Variants in ENTREP1 observed in about 807,000 individuals in gnomAD.
ENTREP1 encodes Friedreich ataxia region gene X123.
the ENTREP1 span, among the ~76,000 whole-genome samples, chr9:69,372,641 G>A: frequency 2.6e-5 from 4 of 152,088 alleles, no homozygotes; most frequent in African/African-American, 4.8e-5. Context: ...ACATTGCAAC[G>A]AACATGGGCC....
At chr9:69,330,597 A>C in the ENTREP1 span, among the ~76,000 whole-genome samples, 1 of 152,228 alleles carries the variant, frequency 6.6e-6, no homozygotes, top group African/African-American at 2.4e-5. Flanking sequence ...AAACTAACAT[A>C]AAGATTATGG....
the ENTREP1 span, among the ~76,000 whole-genome samples, chr9:69,379,201 G>T: frequency 6.6e-6 from 1 of 152,232 alleles, no homozygotes; most frequent in Non-Finnish European, 1.5e-5. Flanking sequence ...TTTTAGAGAA[G>T]TATTTTCTAA....
chr9:69,337,568 A>G, the ENTREP1 span, among the ~76,000 whole-genome samples: 7 of 152,264 alleles, frequency 4.6e-5, no homozygotes, highest in East Asian at 5.8e-4. Context: ...TTTTTAGAAC[A>G]TTTCCAATGT....
the ENTREP1 span, among the ~76,000 whole-genome samples, chr9:69,369,290 T>C: frequency 5.3e-5 from 8 of 152,218 alleles, no homozygotes; most frequent in Non-Finnish European, 1.2e-4. Context: ...GCAATAAACA[T>C]ACGTGTGTGT....
At chr9:69,390,160 C>T in the ENTREP1 span, among the ~76,000 whole-genome samples, 3,282 of 152,278 alleles carry the variant, frequency 0.022, 102 homozygotes, top group African/African-American at 0.074. Context: ...TATTCTTAAT[C>T]GGGAGACAAG....
the ENTREP1 span, among the ~76,000 whole-genome samples, chr9:69,357,818 G>A: frequency 2.6e-5 from 4 of 152,168 alleles, no homozygotes; most frequent in East Asian, 5.8e-4. Flanking sequence ...ATTTTAGTTC[G>A]GTGCCTTGTC....
the ENTREP1 span, chr9:69,385,787 T>TA: frequency 2.0e-6 from 2 of 998,012 alleles, no homozygotes; most frequent in Middle Eastern, 3.9e-4. Flanking sequence ...TTTTTTTTTT[T>TA]AAATCAGATG....
chr9:69,351,152 A>G, the ENTREP1 span, among the ~76,000 whole-genome samples: 1 of 152,234 alleles, frequency 6.6e-6, no homozygotes, highest in Non-Finnish European at 1.5e-5. Flanking sequence ...CTGAAATAAC[A>G]TCTACAACTT....
At chr9:69,365,669 T>A in the ENTREP1 span, among the ~76,000 whole-genome samples, 1 of 152,064 alleles carries the variant, frequency 6.6e-6, no homozygotes, top group African/African-American at 2.4e-5. Context: ...CTTGATCCTA[T>A]CCCCCACACC....
chr9:69,353,173 C>G, the ENTREP1 span, among the ~76,000 whole-genome samples: 1 of 152,096 alleles, frequency 6.6e-6, no homozygotes, highest in African/African-American at 2.4e-5. Context: ...AACACTGCAC[C>G]GGGACTCCTG....
chr9:69,336,860 A>C, the ENTREP1 span, among the ~76,000 whole-genome samples: 1 of 151,724 alleles, frequency 6.6e-6, no homozygotes, highest in East Asian at 2.0e-4. Flanking sequence ...CACTGCGCCC[A>C]GCTAATTTCT....
chr9:69,371,428 A>C, the ENTREP1 span: 1 of 1,070,994 alleles, frequency 9.3e-7, no homozygotes, highest in South Asian at 1.2e-5. Context: ...ATGAGTTTTT[A>C]AAATCAGGTA....
chr9:69,353,225 A>G, the ENTREP1 span, among the ~76,000 whole-genome samples: 3 of 152,224 alleles, frequency 2.0e-5, no homozygotes, highest in African/African-American at 4.8e-5. Context: ...AATGAAGTTC[A>G]CTAGTACTCG....
At chr9:69,344,464 AGAG>A in the ENTREP1 span, among the ~76,000 whole-genome samples, 1 of 152,152 alleles carries the variant, frequency 6.6e-6, no homozygotes, top group African/African-American at 2.4e-5. Flanking sequence ...TATTGTGTGA[AGAG>A]GAGACTTTTA....
the ENTREP1 span, among the ~76,000 whole-genome samples, chr9:69,346,591 G>A: frequency 4.6e-5 from 7 of 151,888 alleles, no homozygotes; most frequent in Non-Finnish European, 8.8e-5. Context: ...CTTTTATGTT[G>A]TCAGTGTCTT....
chr9:69,377,270 CT>C, the ENTREP1 span: 1 of 795,980 alleles, frequency 1.3e-6, no homozygotes, highest in Non-Finnish European at 2.2e-6. Flanking sequence ...TGAGAATTGT[CT>C]TATGGAGGCA....
chr9:69,337,005 C>CTTTTTT, the ENTREP1 span, among the ~76,000 whole-genome samples: 3 of 56,000 alleles, frequency 5.4e-5, 1 homozygote, highest in African/African-American at 2.6e-4. Flanking sequence ...GCTGTTATTC[C>CTTTTTT]TTTTTTTTTT....
At chr9:69,377,376 C>T in the ENTREP1 span, 1 of 1,610,428 alleles carries the variant, frequency 6.2e-7, no homozygotes. Context: ...CCAGAAAGTC[C>T]TCTTTGCCCT....
the ENTREP1 span, among the ~76,000 whole-genome samples, chr9:69,370,396 C>T: frequency 6.6e-6 from 1 of 152,094 alleles, no homozygotes; most frequent in Non-Finnish European, 1.5e-5. Context: ...ATAAATGATA[C>T]AGTGCAAGAG....
Sources: allele counts gnomAD v4.1 joint callset (sites outside exome capture counted in the v4.1 genomes callset), GRCh38; gene constraint gnomAD v4.1.1; transcripts MANE v1.5; gene names NCBI Gene and HGNC (gene_info 2026-07-23, HGNC 2026-07-21).